The following PPM1H variants were observed in gnomAD, a reference collection of about 807,000 sequenced individuals.
The protein encoded by PPM1H is protein phosphatase 1H.
Under a neutral mutation model 54.9 loss-of-function variants are expected in PPM1H, and 27 were observed. The ratio of observed to expected loss-of-function variants is 0.49; its 90% CI spans 0.36 to 0.68. The LOEUF is 0.68. Among genes scored for constraint, PPM1H ranks in the 30% least tolerant of loss-of-function variants. PPM1H has a pLI of 0.00. For missense variants in PPM1H, 596 were observed against 667.8 expected (o/e 0.89, Z 1.19); for synonymous variants, 305 against 270.8 (o/e 1.13, Z -1.24).
intron 4 of PPM1H, among the ~76,000 whole-genome samples, chr12:62,769,795 C>T (rs544473195): frequency 7.3e-5 from 11 of 150,886 alleles, no homozygotes; most frequent in African/African-American, 2.5e-4. Flanking sequence ...AGTCTGTGAT[C>T]GGTGCCTTTC....
chr12:62,911,875 CAT>C lies in PPM1H; in HGVS notation c.245+22615_245+22616del, dbSNP rs145311088. 8.0e-3 allele frequency among the ~76,000 whole-genome samples: 1,225 copies of C among 152,340 alleles called. 17 individuals carry two copies. The highest frequency in any genetic ancestry group is 0.054 in the Middle Eastern group (16 of 294). Reference sequence around the variant, plus strand: ...TAGCCCTCTCATCCTGTCCCTCACACATGTGTACTCCAATGACACCCCTTATC... The same window carrying C: ...TAGCCCTCTCATCCTGTCCCTCACACGTGTACTCCAATGACACCCCTTATC... On this transcript the variant is annotated intron_variant, in intron 1 of 9. Coordinates refer to ENST00000228705, the MANE Select transcript of PPM1H (RefSeq NM_020700.2).
At chr12:62,701,279 C>T (rs369795610) in intron 6 of PPM1H, among the ~76,000 whole-genome samples, 7 of 152,226 alleles carry the variant, frequency 4.6e-5, no homozygotes, top group Middle Eastern at 3.2e-3. Flanking sequence ...CCTTTCCCAC[C>T]TTTGCCCTAG....
At chr12:62,780,963 A>C (rs901281165) in intron 4 of PPM1H, among the ~76,000 whole-genome samples, 12 of 152,222 alleles carry the variant, frequency 7.9e-5, no homozygotes, top group Non-Finnish European at 1.5e-4. Context: ...TATGAACTTC[A>C]TGAGACTTCC....
At chr12:62,737,217 T>TAAAAAAAAAA (rs111659461) in intron 5 of PPM1H, among the ~76,000 whole-genome samples, 5 of 134,302 alleles carry the variant, frequency 3.7e-5, no homozygotes, top group Non-Finnish European at 3.1e-5. Context: ...AAGAAGCCAT[T>TAAAAAAAAAA]AAAAAAAAAA....
At chr12:62,776,037 C>CT (rs539936693) in intron 4 of PPM1H, among the ~76,000 whole-genome samples, 1 of 152,144 alleles carries the variant, frequency 6.6e-6, no homozygotes, top group Non-Finnish European at 1.5e-5. Flanking sequence ...GGAAACTGCC[C>CT]TTTATGAAAC....
chr12:62,665,895 G>A (rs548767961), intron 9 of PPM1H, among the ~76,000 whole-genome samples: 1 of 151,856 alleles, frequency 6.6e-6, no homozygotes, highest in South Asian at 2.1e-4. Flanking sequence ...GCACCACCAT[G>A]CTCAGCTAAT....
intron 2 of PPM1H, among the ~76,000 whole-genome samples, chr12:62,831,722 T>A (rs929331846): frequency 2.0e-5 from 3 of 151,362 alleles, no homozygotes; most frequent in Non-Finnish European, 4.4e-5. Flanking sequence ...TGTGTGTGTG[T>A]GTGTGTGAGT....
rs752319289 is a variant in PPM1H at position 62,844,678 on chromosome 12, G to C, written c.246-12399C>G. On this transcript the variant is annotated intron_variant, in intron 1 of 9. Coordinates refer to ENST00000228705, the MANE Select transcript of PPM1H (RefSeq NM_020700.2). The surrounding 1 kb of genome is among the most constrained non-coding windows in gnomAD (Gnocchi z 5.2). ...GTAGATGTGTTCCAAAATGTTGTGT[G>C]TTTATTTCAGTTGTGTTCTCCCTAT... Among the ~76,000 whole-genome samples the C allele has an allele frequency of 6.6e-6, 1 of 152,190 alleles. No homozygotes were observed. The highest frequency in any genetic ancestry group is 6.5e-5 in the Admixed American group (1 of 15,272).
chr12:62,667,215 G>C lies in PPM1H; in HGVS notation c.1360C>G (p.Gln454Glu). The change falls in exon 9 of 10, where the codon CAG becomes GAG. Residue 454 changes from glutamine (Q) to glutamate (E), a missense_variant. Physicochemically the swap from Gln to Glu is conservative, Grantham distance 29. This residue lies in a region of PPM1H where 208 missense variants were observed against 259.5 expected (regional missense o/e 0.80). Transcript: ENST00000228705. ...SNEEVAEAITQFLPNCDPDDP... is the reference protein window; with the variant it reads ...SNEEVAEAITEFLPNCDPDDP... The stretch of plus-strand genomic sequence containing the variant: ...TCTGGATCACAGTTAGGAAGAAACT[G>C]AGTGATTGCTTCTGCTACTTCTTCA... 2 of 1,601,422 alleles carry C rather than the reference G, an allele frequency of 1.2e-6. No individual in the cohort carries two copies. The highest frequency in any genetic ancestry group is 2.2e-5 in the South Asian group (2 of 90,736).
rs766049949 is a variant in PPM1H at position 62,694,008 on chromosome 12, G to C, written c.1074-9C>G. On this transcript the variant is annotated splice_polypyrimidine_tract_variant and intron_variant, in intron 6 of 9. Transcript: ENST00000228705. ...CAATGGTTTTGTATGCCCTGTAGGG[G>C]ATAAACAACATTTTAAAAAAGGTTT... The C allele has an allele frequency of 5.0e-6, 8 of 1,609,338 alleles. No homozygotes were observed. Among genetic ancestry groups the C allele is most frequent in the Non-Finnish European group, 5.1e-6 (6 of 1,177,490 alleles).
rs139340738 is a variant in PPM1H, at chr12:62,664,507, A to G, written c.1397+2671T>C. Reference sequence around the variant, plus strand: ...ATTTCAACTTGTTTACTTAAAGCCTAAAGTTAAACACCATTAACTTCTCAA... The same window carrying G: ...ATTTCAACTTGTTTACTTAAAGCCTGAAGTTAAACACCATTAACTTCTCAA... On this transcript the variant is annotated intron_variant, in intron 9 of 9. Transcript: ENST00000228705. Among the ~76,000 whole-genome samples, 53 of 152,336 alleles carry G rather than the reference A, an allele frequency of 3.5e-4. 1 individual carries two copies. The highest frequency in any genetic ancestry group is 1.1e-3 in the African/African-American group (44 of 41,582).
chr12:62,658,950 G>A, intron 9 of PPM1H: 1 of 701,382 alleles, frequency 1.4e-6, no homozygotes, highest in Non-Finnish European at 2.7e-6. Flanking sequence ...ACTGACAACA[G>A]GGCTCATAGA....
intron 6 of PPM1H, among the ~76,000 whole-genome samples, chr12:62,700,108 G>A (rs933727565): frequency 9.2e-5 from 14 of 151,786 alleles, no homozygotes; most frequent in African/African-American, 3.1e-4. Context: ...CACCTGCCCC[G>A]ATGACTTCAG....
chr12:62,749,366 AC>A (rs1410769877), intron 4 of PPM1H, among the ~76,000 whole-genome samples: 2 of 152,362 alleles, frequency 1.3e-5, no homozygotes, highest in East Asian at 1.9e-4. Context: ...CATTCGGAAA[AC>A]CCTTTTTGAC....
intron 4 of PPM1H, among the ~76,000 whole-genome samples, chr12:62,768,608 T>C (rs1592589608): frequency 6.6e-6 from 1 of 151,578 alleles, no homozygotes; most frequent in Admixed American, 6.6e-5. Context: ...TGAGCCGAGA[T>C]CCCGCCATTG....
intron 1 of PPM1H, among the ~76,000 whole-genome samples, chr12:62,832,490 A>G (rs1048043318): frequency 2.6e-4 from 39 of 152,358 alleles, no homozygotes; most frequent in African/African-American, 9.4e-4. Flanking sequence ...AATATTTACT[A>G]AAGAAGTTGT....
intron 3 of PPM1H, among the ~76,000 whole-genome samples, chr12:62,793,708 C>A (rs2076713791): frequency 7.2e-6 from 1 of 139,782 alleles, no homozygotes; most frequent in South Asian, 2.4e-4. Flanking sequence ...TCATTGCACT[C>A]CAGCCTGGGC....
chr12:62,780,742 A>G (rs2076636980), intron 4 of PPM1H, among the ~76,000 whole-genome samples: 1 of 152,276 alleles, frequency 6.6e-6, no homozygotes, highest in Non-Finnish European at 1.5e-5. Flanking sequence ...TCGGTTTCAT[A>G]TCACCTACAC....
At chr12:62,903,677 T>C (rs1871226375) in intron 1 of PPM1H, among the ~76,000 whole-genome samples, 1 of 152,162 alleles carries the variant, frequency 6.6e-6, no homozygotes, top group Non-Finnish European at 1.5e-5. Flanking sequence ...TTACTTAAGA[T>C]TTGCAAACCT....
Sources: gnomAD v4.1 joint callset for allele counts (sites outside exome capture counted in the v4.1 genomes callset) on GRCh38, gnomAD v4.1.1 for gene constraint, gnomAD v4.1.1 regional missense constraint, Gnocchi (gnomAD v3.1) non-coding constraint, MANE v1.5 for transcripts, NCBI Gene and HGNC (gene_info 2026-07-23, HGNC 2026-07-21) for gene names.